The following TRPC7 variants were observed in gnomAD, a reference collection of about 807,000 sequenced individuals.
The protein encoded by TRPC7 is transient receptor potential cation channel subfamily C member 7.
In TRPC7, 42 loss-of-function variants were observed where a neutral mutation model predicts 90.1. That is an observed-to-expected ratio of 0.47 (90% CI 0.36 to 0.60). The LOEUF is 0.60. Ranked by LOEUF, TRPC7 falls within the 20% of genes least tolerant of loss-of-function variation. The pLI, the probability that TRPC7 is intolerant of heterozygous loss-of-function variation, is 0.00. For synonymous variants in TRPC7, 451 were observed against 436.3 expected (o/e 1.03, Z -0.42); for missense variants, 955 against 1,112.3 (o/e 0.86, Z 2.01).
intron 6 of TRPC7, among the ~76,000 whole-genome samples, chr5:136,250,200 G>C (rs1756474608): frequency 6.6e-6 from 1 of 152,216 alleles, no homozygotes; most frequent in African/African-American, 2.4e-5. Context: ...TGGATGACTT[G>C]TAATACTACA....
At chr5:136,251,072 G>C (rs1756502794) in intron 6 of TRPC7, among the ~76,000 whole-genome samples, 3 of 152,202 alleles carry the variant, frequency 2.0e-5, no homozygotes, top group Admixed American at 1.3e-4. Flanking sequence ...CTGGCACATA[G>C]TAGGTTCTCA....
chr5:136,289,264 A>C (rs547927197), intron 3 of TRPC7, among the ~76,000 whole-genome samples: 1 of 152,264 alleles, frequency 6.6e-6, no homozygotes, highest in South Asian at 2.1e-4. Flanking sequence ...TGCATTTCCA[A>C]CTGAGGTACT....
chr5:136,244,356 C>T (rs1756269019), intron 7 of TRPC7, among the ~76,000 whole-genome samples: 1 of 152,102 alleles, frequency 6.6e-6, no homozygotes, highest in African/African-American at 2.4e-5. Flanking sequence ...TGTGTCATGG[C>T]ACTGATCTTC....
At chr5:136,348,132 C>T (rs1263192003) in intron 2 of TRPC7, among the ~76,000 whole-genome samples, 1 of 152,252 alleles carries the variant, frequency 6.6e-6, no homozygotes, top group Non-Finnish European at 1.5e-5. Flanking sequence ...TCTTTCCAAA[C>T]TGCATATATG....
At chr5:136,286,062 G>T (rs1757704415) in intron 3 of TRPC7, among the ~76,000 whole-genome samples, 1 of 152,180 alleles carries the variant, frequency 6.6e-6, no homozygotes, top group African/African-American at 2.4e-5. Context: ...CACTGCACCT[G>T]TAGTACTTGG....
At chr5:136,339,790 C>A (rs1392082572) in intron 2 of TRPC7, among the ~76,000 whole-genome samples, 3 of 152,090 alleles carry the variant, frequency 2.0e-5, no homozygotes, top group African/African-American at 4.8e-5. Flanking sequence ...TGAGAAATAT[C>A]TCCTGTCCTT....
intron 3 of TRPC7, among the ~76,000 whole-genome samples, chr5:136,306,540 T>C (rs1298347686): frequency 6.6e-6 from 1 of 152,158 alleles, no homozygotes; most frequent in African/African-American, 2.4e-5. Flanking sequence ...TTTATTTTTC[T>C]TATTAATATA....
intron 5 of TRPC7, 134 bp from the exon 6 acceptor site, chr5:136,252,016 C>T (rs1218953350): frequency 2.9e-6 from 2 of 687,044 alleles, no homozygotes; most frequent in Non-Finnish European, 4.9e-6. Flanking sequence ...TAGCCAGAGG[C>T]AGACAGAAAC....
intron 3 of TRPC7, among the ~76,000 whole-genome samples, chr5:136,313,133 A>G (rs1758891019): frequency 6.6e-6 from 1 of 152,074 alleles, no homozygotes; most frequent in South Asian, 2.1e-4. Context: ...AGGCTCTGTA[A>G]TATCTTTAAG....
intron 8 of TRPC7, among the ~76,000 whole-genome samples, chr5:136,226,914 T>A (rs1580838721): frequency 6.6e-6 from 1 of 152,234 alleles, no homozygotes; most frequent in East Asian, 1.9e-4. Flanking sequence ...TTACAGCACA[T>A]CTATTTAGAC....
At chr5:136,358,334 A>G (rs1218596137) in intron 1 of TRPC7, among the ~76,000 whole-genome samples, 1 of 152,192 alleles carries the variant, frequency 6.6e-6, no homozygotes. Flanking sequence ...TACTAATGCT[A>G]CTAATAATAG....
chr5:136,253,100 C>G (rs571202461), intron 5 of TRPC7, among the ~76,000 whole-genome samples: 1 of 152,294 alleles, frequency 6.6e-6, no homozygotes, highest in African/African-American at 2.4e-5. Flanking sequence ...TAAAGTATCT[C>G]ATTAATAATT....
In TRPC7 at chr5:136,251,820, A is replaced by G; in HGVS notation, c.1408T>C (p.Leu470=). 1 of 1,614,010 alleles carries G rather than the reference A, an allele frequency of 6.2e-7. No homozygotes were observed. The highest frequency in any genetic ancestry group is 8.5e-7 in the Non-Finnish European group (1 of 1,179,872). ...EEGPREYVLH[L]WNLLDFGMLS... Reference sequence around the variant, plus strand: ...ATCCCGAAATCTAGCAGGTTCCACAAGTGCAGCACGTACTCCCGTGGCCCC... The same window carrying G: ...ATCCCGAAATCTAGCAGGTTCCACAGGTGCAGCACGTACTCCCGTGGCCCC... The change falls in exon 6 of 12, where the codon TTG becomes CTG. Residue 470 remains leucine (L), a synonymous_variant. Coordinates refer to ENST00000513104, the MANE Select transcript of TRPC7 (RefSeq NM_020389.3).
rs1452220193 is a variant in TRPC7, at chr5:136,213,304, G to A, written c.*131C>T. The A allele has an allele frequency of 1.6e-5, 15 of 917,002 alleles. No homozygotes were observed. The East Asian group carries it at 2.6e-4, about 16-fold the overall frequency. 56.8% of individuals were successfully genotyped at this position (917,002 alleles called of 1,614,324 possible). A position where few individuals can be genotyped will look rare whatever the true frequency, so the allele number is the denominator to read the frequency against. ...TGGAGATGTCAGTCATGCTGCAAGA[G>A]ACTGAGCCAGGAGATCCCCTTCGTG... On this transcript the variant is annotated 3_prime_UTR_variant, in exon 12 of 12. Coordinates refer to ENST00000513104, the MANE Select transcript of TRPC7 (RefSeq NM_020389.3).
At chr5:136,229,761 T>G (rs1755757996) in intron 8 of TRPC7, among the ~76,000 whole-genome samples, 2 of 152,226 alleles carry the variant, frequency 1.3e-5, no homozygotes, top group African/African-American at 4.8e-5. Flanking sequence ...ACAGGGATCT[T>G]TACTTTTTCT....
chr5:136,318,291 T>C (rs1310597676), intron 2 of TRPC7, among the ~76,000 whole-genome samples: 1 of 152,176 alleles, frequency 6.6e-6, no homozygotes, highest in Non-Finnish European at 1.5e-5. Flanking sequence ...TACATTTTAT[T>C]TTAAATATTC....
chr5:136,308,015 G>T (rs1396189087), intron 3 of TRPC7, among the ~76,000 whole-genome samples: 1 of 152,178 alleles, frequency 6.6e-6, no homozygotes, highest in East Asian at 1.9e-4. Context: ...ACTAGCAAGT[G>T]AAGAACTTGG....
intron 3 of TRPC7, among the ~76,000 whole-genome samples, chr5:136,312,387 C>T (rs1022029176): frequency 2.0e-5 from 3 of 152,154 alleles, no homozygotes; most frequent in African/African-American, 7.2e-5. Context: ...GAAAGGGAGT[C>T]ATCACTGAAT....
chr5:136,246,259 G>T (rs1229248903), intron 7 of TRPC7, among the ~76,000 whole-genome samples: 1 of 152,218 alleles, frequency 6.6e-6, no homozygotes, highest in Admixed American at 6.5e-5. Flanking sequence ...GATGCTGCAG[G>T]ACTTGCTGGG....
Sources: allele counts gnomAD v4.1 joint callset (sites outside exome capture counted in the v4.1 genomes callset), GRCh38; gene constraint gnomAD v4.1.1; transcripts MANE v1.5; gene names NCBI Gene and HGNC (gene_info 2026-07-23, HGNC 2026-07-21).